The following NAV3 variants were observed in gnomAD, a reference collection of about 807,000 sequenced individuals.
The protein encoded by NAV3 is pore membrane and/or filament interacting like protein 1.
In NAV3, 87 loss-of-function variants were observed where a neutral mutation model predicts 244.7. The ratio of observed to expected loss-of-function variants is 0.36; its 90% CI spans 0.30 to 0.42. The LOEUF is 0.42. Among genes scored for constraint, NAV3 ranks in the 20% least tolerant of loss-of-function variants. NAV3 has a pLI of 1.00. For synonymous variants in NAV3, 1,126 were observed against 1,042.2 expected, an observed-to-expected ratio of 1.08 and a Z score of -1.55; for missense variants, 2,663 against 2,893.3, an observed-to-expected ratio of 0.92 and a Z score of 1.83.
At chr12:77,687,517 A>G (rs1175412206) in intron 2 of NAV3, among the ~76,000 whole-genome samples, 1 of 152,152 alleles carries the variant, frequency 6.6e-6, no homozygotes, top group African/African-American at 2.4e-5. Context: ...GAGTTTGGCA[A>G]TGAACCCAAG....
At chr12:78,143,236 A>T (rs451753) in intron 20 of NAV3, among the ~76,000 whole-genome samples, 52,579 of 151,968 alleles carry the variant, frequency 0.35, 9,369 homozygotes, top group East Asian at 0.48. Flanking sequence ...GCTAGATCTA[A>T]CCCATTTGTC....
At position 77,678,913 on chromosome 12, in the gene NAV3, T is replaced by C. The variant is rs565709464; in HGVS notation, c.72+106647T>C. Among the ~76,000 whole-genome samples, 24 of 152,296 alleles carry C rather than the reference T, an allele frequency of 1.6e-4. No homozygotes were observed. The South Asian group carries it at 5.0e-3, about 32-fold the overall frequency. Reference sequence around the variant, plus strand: ...TCCTGAAAGCTTTCTGGCTTCTGTTTATCTAGAAACTTTATGATTAAGTAT... The same window carrying C: ...TCCTGAAAGCTTTCTGGCTTCTGTTCATCTAGAAACTTTATGATTAAGTAT... On this transcript the variant is annotated intron_variant, in intron 2 of 8. Transcript: ENST00000550042.
At chr12:77,985,173 C>T (rs1332982990) in intron 5 of NAV3, among the ~76,000 whole-genome samples, 4 of 152,102 alleles carry the variant, frequency 2.6e-5, no homozygotes, top group East Asian at 1.9e-4. Context: ...TATAATTCTC[C>T]GAATGAAACA....
chr12:78,014,940 T>C (rs996453327), intron 8 of NAV3, among the ~76,000 whole-genome samples: 2 of 152,138 alleles, frequency 1.3e-5, no homozygotes, highest in African/African-American at 4.8e-5. Context: ...GTTTGATATG[T>C]ATCTGCACAT....
In NAV3 at chr12:78,119,772, C is replaced by T. The variant is rs2138631478; in HGVS notation, c.3576C>T (p.Val1192=). Residue 1192 remains valine, a synonymous_variant, in exon 15 of 40, where the codon GTC becomes GTT. Coordinates refer to ENST00000397909, the MANE Select transcript of NAV3 (RefSeq NM_001024383.2). ...TTGGGTCAGGGCGCTCGAGTCCTGT[C>T]ACCGTCAACCAAACAGACAAGGAAA... is the stretch of plus-strand genomic sequence containing the variant. ...TKIGSGRSSP[V]TVNQTDKEKE... 6.2e-7 allele frequency: 1 copy of T among 1,614,040 alleles called. No homozygotes were observed. The highest frequency in any genetic ancestry group is 8.5e-7 in the Non-Finnish European group (1 of 1,179,996).
At chr12:77,710,346 T>G (rs1876046910) in intron 2 of NAV3, among the ~76,000 whole-genome samples, 1 of 148,988 alleles carries the variant, frequency 6.7e-6, no homozygotes, top group Admixed American at 6.6e-5. Flanking sequence ...GACTTGACTC[T>G]GGGCAACTAT....
At chr12:77,624,894 G>A (rs558854572) in intron 2 of NAV3, among the ~76,000 whole-genome samples, 1 of 152,108 alleles carries the variant, frequency 6.6e-6, no homozygotes, top group Admixed American at 6.6e-5. Context: ...CCTTCCATAG[G>A]TTTATAGTAA....
chr12:78,130,989 G>T (rs2595032), intron 18 of NAV3: 55,462 of 157,336 alleles, frequency 0.35, 10,251 homozygotes, highest in African/African-American at 0.42. Flanking sequence ...GAGAAGCACC[G>T]TGGGTCCTCA....
chr12:77,780,861 A>G (rs1213681511), intron 2 of NAV3, among the ~76,000 whole-genome samples: 46 of 152,128 alleles, frequency 3.0e-4, no homozygotes, highest in Admixed American at 2.9e-3. Flanking sequence ...AATTTAGCCA[A>G]GCTGAGGGAA....
At chr12:77,691,234 C>G (rs1464164906) in intron 2 of NAV3, among the ~76,000 whole-genome samples, 2 of 148,672 alleles carry the variant, frequency 1.3e-5, no homozygotes, top group Admixed American at 1.4e-4. Context: ...TTTTTACATA[C>G]ATTTCTGGGA....
intron 1 of NAV3, among the ~76,000 whole-genome samples, chr12:77,904,043 G>A (rs1329279558): frequency 6.6e-6 from 1 of 152,096 alleles, no homozygotes; most frequent in East Asian, 1.9e-4. Context: ...TTACACTGTT[G>A]GTGGGACTGT....
At chr12:77,720,490 G>C (rs1003151986) in intron 2 of NAV3, among the ~76,000 whole-genome samples, 64 of 152,174 alleles carry the variant, frequency 4.2e-4, no homozygotes, top group Non-Finnish European at 1.8e-4. Context: ...AAGTACTACA[G>C]GTTCTCTGCA....
chr12:77,727,058 G>C (rs899056458), intron 2 of NAV3, among the ~76,000 whole-genome samples: 13 of 151,956 alleles, frequency 8.6e-5, no homozygotes, highest in African/African-American at 3.1e-4. Flanking sequence ...ATAGCAGAAG[G>C]AGACATGAGG....
intron 2 of NAV3, among the ~76,000 whole-genome samples, chr12:77,702,214 T>G (rs1481074752): frequency 6.6e-6 from 1 of 152,034 alleles, no homozygotes; most frequent in African/African-American, 2.4e-5. Flanking sequence ...AAAAGGTCCT[T>G]CCTTATCTCT....
chr12:78,090,855 A>G (rs1953889752), intron 12 of NAV3, among the ~76,000 whole-genome samples: 1 of 151,960 alleles, frequency 6.6e-6, no homozygotes, highest in Admixed American at 6.6e-5. Flanking sequence ...CAGTCTTTTC[A>G]TGGGATCTAT....
chr12:77,697,335 G>A (rs1056760974), intron 2 of NAV3, among the ~76,000 whole-genome samples: 1 of 152,104 alleles, frequency 6.6e-6, no homozygotes, highest in East Asian at 1.9e-4. Flanking sequence ...AGGTCAAAAT[G>A]GCTTCAACTA....
Position 78,205,063 on chromosome 12 carries a change from T to C in NAV3, c.6963T>C (p.Tyr2321=). 6.2e-7 allele frequency: 1 copy of C among 1,613,548 alleles called. No homozygotes were observed. Among genetic ancestry groups the C allele is most frequent in the Non-Finnish European group, 8.5e-7 (1 of 1,179,758 alleles). The change falls in exon 39 of 40, where the codon TAT becomes TAC. Residue 2321 remains tyrosine (Y), a synonymous_variant. Transcript: ENST00000397909. ...LLQLRPEDVG[Y]ESCTSTKEAT... is the part of the protein sequence containing the mutation. ...AGCTGCGACCAGAAGATGTTGGGTA[T>C]GAAAGCTGCACATCCACTAAGGAAG...
intron 12 of NAV3, among the ~76,000 whole-genome samples, chr12:78,073,998 A>G (rs960923688): frequency 6.6e-5 from 10 of 152,366 alleles, no homozygotes; most frequent in African/African-American, 2.4e-4. Context: ...CTGTACAAAT[A>G]TATTATTGAA....
At chr12:77,710,969 A>G (rs1187602800) in intron 2 of NAV3, among the ~76,000 whole-genome samples, 1 of 152,202 alleles carries the variant, frequency 6.6e-6, no homozygotes, top group African/African-American at 2.4e-5. Flanking sequence ...TTGTACCATG[A>G]TATTTCTTGA....
Sources: allele counts gnomAD v4.1 joint callset (sites outside exome capture counted in the v4.1 genomes callset), GRCh38; gene constraint gnomAD v4.1.1; transcripts MANE v1.5; gene names NCBI Gene and HGNC (gene_info 2026-07-23, HGNC 2026-07-21).